The following DLGAP2 variants were observed in gnomAD, a reference collection of about 807,000 sequenced individuals.
DLGAP2 encodes the protein DLG associated protein 2, also known as disks large-associated protein 2.
In DLGAP2, 26 loss-of-function variants were observed where a neutral mutation model predicts 100.3. The observed-to-expected ratio is 0.26, with a 90% CI of 0.19 to 0.36. DLGAP2 has a LOEUF of 0.36. Among genes scored for constraint, DLGAP2 ranks in the 10% least tolerant of loss-of-function variants. The pLI is 1.00. For missense variants in DLGAP2, 1,858 were observed against 1,453.2 expected (o/e 1.28, Z -4.53); for synonymous variants, 886 against 630.1 (o/e 1.41, Z -6.08).
chr8:1,228,036 C>T (rs750444583), intron 2 of DLGAP2, among the ~76,000 whole-genome samples: 3 of 151,594 alleles, frequency 2.0e-5, no homozygotes, highest in Non-Finnish European at 2.9e-5. Flanking sequence ...CACAATAACA[C>T]TTGGACACAG....
intron 3 of DLGAP2, among the ~76,000 whole-genome samples, chr8:1,425,121 A>G (rs1432313670): frequency 6.6e-6 from 1 of 152,236 alleles, no homozygotes; most frequent in Non-Finnish European, 1.5e-5. Context: ...TAGTTTTTAA[A>G]ATTATATTTC....
intron 6 of DLGAP2, chr8:1,621,865 C>G (rs186993309): frequency 1.8e-4 from 27 of 152,258 alleles, no homozygotes; most frequent in African/African-American, 5.8e-4. Flanking sequence ...GTGGGGGCAT[C>G]CCAGATGTGG....
At chr8:1,466,724 C>G (rs987089736) in intron 3 of DLGAP2, among the ~76,000 whole-genome samples, 2 of 152,090 alleles carry the variant, frequency 1.3e-5, no homozygotes, top group African/African-American at 4.8e-5. Flanking sequence ...CCATGCAGCT[C>G]TCAGTGAGAG....
intron 2 of DLGAP2, among the ~76,000 whole-genome samples, chr8:927,848 G>A (rs984451657): frequency 6.6e-6 from 1 of 152,154 alleles, no homozygotes; most frequent in Non-Finnish European, 1.5e-5. Context: ...AGTTCAGAGA[G>A]CTAAATTGCA....
At chr8:923,343 C>T (rs946023319) in intron 2 of DLGAP2, among the ~76,000 whole-genome samples, 1 of 152,206 alleles carries the variant, frequency 6.6e-6, no homozygotes, top group African/African-American at 2.4e-5. Context: ...CAGTGTCTTT[C>T]CCTAGGAATG....
intron 2 of DLGAP2, among the ~76,000 whole-genome samples, chr8:965,783 GTT>G (rs1799854152): frequency 2.1e-5 from 3 of 146,296 alleles, no homozygotes; most frequent in African/African-American, 7.6e-5. Context: ...ACACGGCACT[GTT>G]CACCACACAG....
chr8:927,107 G>C (rs981240952), intron 2 of DLGAP2: 33 of 985,306 alleles, frequency 3.3e-5, no homozygotes, highest in Non-Finnish European at 4.0e-5. Context: ...GATGGTAAAA[G>C]ACTTCGGAGC....
Position 1,582,325 on chromosome 8 carries a change from A to G in DLGAP2, c.1442+16431A>G, listed in dbSNP as rs571484231. On this transcript the variant is annotated intron_variant, in intron 6 of 14. Coordinates refer to ENST00000637795, the MANE Select transcript of DLGAP2 (RefSeq NM_001346810.2). ...ACAGATAAAACCTTAAAAAAAAAAAAAAAGAAAGAAAGAAAATTATAGACC... is the reference window on the plus strand; with the variant it reads ...ACAGATAAAACCTTAAAAAAAAAAAGAAAGAAAGAAAGAAAATTATAGACC... Among the ~76,000 whole-genome samples the G allele has an allele frequency of 9.7e-4, 147 of 151,790 alleles. 2 individuals are homozygous for G. The highest frequency in any genetic ancestry group is 3.4e-3 in the African/African-American group (140 of 41,394).
chr8:1,564,110 C>G (rs1802297345), intron 5 of DLGAP2, among the ~76,000 whole-genome samples: 1 of 152,138 alleles, frequency 6.6e-6, no homozygotes, highest in Non-Finnish European at 1.5e-5. Flanking sequence ...TTGGAGTTCT[C>G]TACACTCAGC....
At chr8:801,823 T>C (rs4735931) in intron 1 of DLGAP2, among the ~76,000 whole-genome samples, 74,803 of 152,064 alleles carry the variant, frequency 0.49, 19,627 homozygotes, top group East Asian at 0.97. Context: ...GATGGCTCAC[T>C]GCCCTTGCTC....
intron 6 of DLGAP2, chr8:1,604,831 C>G (rs1563251432): frequency 6.6e-6 from 1 of 151,936 alleles, no homozygotes; most frequent in Non-Finnish European, 1.5e-5. Flanking sequence ...ACATAAATGG[C>G]TTAGATGTAA....
chr8:981,866 C>G (rs1207580142), intron 2 of DLGAP2, among the ~76,000 whole-genome samples: 3 of 152,158 alleles, frequency 2.0e-5, no homozygotes, highest in Non-Finnish European at 4.4e-5. Context: ...TCTATGAATC[C>G]TCTTTCCACA....
chr8:945,601 C>T (rs146445507), intron 2 of DLGAP2, among the ~76,000 whole-genome samples: 57 of 152,258 alleles, frequency 3.7e-4, no homozygotes, highest in African/African-American at 1.2e-3. Flanking sequence ...CACCACTTAA[C>T]GTGCATTTGT....
chr8:1,298,891 G>A lies in DLGAP2; in HGVS notation c.106+40008G>A, dbSNP rs535396386. Among the ~76,000 whole-genome samples, 118 of 152,264 alleles carry A rather than the reference G, an allele frequency of 7.7e-4. 1 individual carries two copies. Among genetic ancestry groups the A allele is most frequent in the African/African-American group, 2.7e-3 (112 of 41,538 alleles). ...CCATGGGCAATAACACAGGCCTGAG[G>A]CAGGAACGGGGGGAGAACCCGGGGG... On this transcript the variant is annotated intron_variant, in intron 3 of 14. Transcript: ENST00000637795.
At chr8:1,438,920 G>A (rs1275115863) in intron 3 of DLGAP2, among the ~76,000 whole-genome samples, 1 of 152,168 alleles carries the variant, frequency 6.6e-6, no homozygotes, top group Non-Finnish European at 1.5e-5. Context: ...AAAAAAGCAC[G>A]TTCACAATTG....
chr8:1,025,873 A>G (rs1294500560), intron 2 of DLGAP2, among the ~76,000 whole-genome samples: 1 of 152,146 alleles, frequency 6.6e-6, no homozygotes, highest in Non-Finnish European at 1.5e-5. Context: ...GAGAAAAGAC[A>G]ATATACAAAG....
In DLGAP2 at chr8:1,332,788, C is replaced by T. The variant is rs1165529585; in HGVS notation, c.106+73905C>T. Among the ~76,000 whole-genome samples the T allele has an allele frequency of 2.6e-5, 4 of 152,172 alleles. No homozygotes were observed. In the South Asian group the frequency reaches 6.2e-4, roughly 24 times the overall value. ...GAGGCTGCAGGTAGCTCTCTAGGGT[C>T]CTGGACCATTCATAACCAAGCATCA... On this transcript the variant is annotated intron_variant, in intron 3 of 14. Transcript: ENST00000637795.
intron 1 of DLGAP2, among the ~76,000 whole-genome samples, chr8:817,261 A>G (rs1319843337): frequency 6.6e-6 from 1 of 152,072 alleles, no homozygotes; most frequent in Non-Finnish European, 1.5e-5. Flanking sequence ...TATTGCTGAG[A>G]CTTTCCAGTG....
chr8:1,669,772 C>G lies in DLGAP2; in HGVS notation c.2190C>G (p.Tyr730Ter), dbSNP rs763460221. The G allele has an allele frequency of 1.3e-6, 1 of 780,924 alleles. No homozygotes were observed. Among genetic ancestry groups the G allele is most frequent in the Non-Finnish European group, 2.4e-6 (1 of 417,986 alleles). The allele number at this position is 780,924 out of a possible 1,614,324, so 48.4% of individuals were successfully genotyped here. ...CTGAATTCCCAGAGCATCAGCCATA[C>G]CCAAGGTCAGATGTAAGTACCGAAA... ...QDSEFPEHQP[Y>*]PRSDVETATD... The change falls in exon 10 of 15, where the codon TAC becomes TAG. Residue 730 changes from tyrosine (Y) to a stop codon, truncating the protein, a stop_gained. Coordinates refer to ENST00000637795, the MANE Select transcript of DLGAP2 (RefSeq NM_001346810.2). LOFTEE classifies it high-confidence loss of function.
Sources: allele counts gnomAD v4.1 joint callset (sites outside exome capture counted in the v4.1 genomes callset), GRCh38; gene constraint gnomAD v4.1.1; transcripts MANE v1.5; gene names NCBI Gene and HGNC (gene_info 2026-07-23, HGNC 2026-07-21).